ROBO2: variants seen among roughly 807,000 people sequenced by gnomAD.
The protein encoded by ROBO2 is roundabout homolog 2.
ROBO2 carries 53 observed loss-of-function variants against 160.8 expected under a neutral mutation model. The ratio of observed to expected loss-of-function variants is 0.33; its 90% CI spans 0.26 to 0.41. ROBO2 has a LOEUF of 0.41. Ranked by LOEUF, ROBO2 falls within the 10% of genes least tolerant of loss-of-function variation. The pLI is 1.00. For synonymous variants in ROBO2, 664 were observed against 611.7 expected (o/e 1.09, Z -1.26); for missense variants, 1,577 against 1,722.4 (o/e 0.92, Z 1.49).
chr3:76,873,144 A>G (rs2148691954), intron 2 of ROBO2, among the ~76,000 whole-genome samples: 1 of 152,320 alleles, frequency 6.6e-6, no homozygotes, highest in African/African-American at 2.4e-5. Flanking sequence ...AGTGCACATT[A>G]AACATTACAA....
intron 21 of ROBO2, among the ~76,000 whole-genome samples, chr3:77,613,096 C>T (rs1280414444): frequency 6.6e-6 from 1 of 152,064 alleles, no homozygotes; most frequent in African/African-American, 2.4e-5. Context: ...TGGTTAGGCT[C>T]TCCTTGGCCT....
rs537331715 is a variant in ROBO2 at position 76,931,568 on chromosome 3, C to T, written c.110-166446C>T. On this transcript the variant is annotated intron_variant, in intron 2 of 26. Transcript: ENST00000487694. ...TTTATAAGACACATACACACACACA[C>T]ACACACACGTATATATGAGCATTTA... Among the ~76,000 whole-genome samples, 10 of 152,136 alleles carry T rather than the reference C, an allele frequency of 6.6e-5. No homozygotes were observed. In the East Asian group the frequency reaches 1.7e-3, roughly 26 times the overall value.
At chr3:76,903,494 T>C (rs2075374485) in intron 2 of ROBO2, among the ~76,000 whole-genome samples, 1 of 152,046 alleles carries the variant, frequency 6.6e-6, no homozygotes, top group Non-Finnish European at 1.5e-5. Flanking sequence ...TCAGGTATGG[T>C]TTTTGGAGTA....
At chr3:76,775,176 G>C (rs2062163660) in intron 2 of ROBO2, among the ~76,000 whole-genome samples, 1 of 150,588 alleles carries the variant, frequency 6.6e-6, no homozygotes, top group South Asian at 2.1e-4. Flanking sequence ...TACATATGTA[G>C]TCCTAATGGA....
chr3:77,013,833 A>C (rs2062061077), intron 2 of ROBO2, among the ~76,000 whole-genome samples: 1 of 152,230 alleles, frequency 6.6e-6, no homozygotes. Flanking sequence ...CTATCAGTTA[A>C]CGTGCATTTA....
Position 77,555,192 on chromosome 3 carries a change from C to A in ROBO2, c.1232-2752C>A, listed in dbSNP as rs146456193. Among the ~76,000 whole-genome samples the A allele has an allele frequency of 2.1e-3, 326 of 151,924 alleles. 2 individuals carry two copies. Among genetic ancestry groups the A allele is most frequent in the African/African-American group, 7.5e-3 (313 of 41,484 alleles). On this transcript the variant is annotated intron_variant, in intron 8 of 25. Transcript: ENST00000461745. ...ACTTTTTTTTAGACATAGTATTATT[C>A]TACACTTAATAGACTCCAGAATAGT...
chr3:77,645,214 A>G (rs1039794555), intron 25 of ROBO2, among the ~76,000 whole-genome samples: 1 of 152,152 alleles, frequency 6.6e-6, no homozygotes, highest in African/African-American at 2.4e-5. Context: ...TGCCTTTTTA[A>G]CTGAACACAA....
exon 17 of ROBO2, chr3:77,588,751 G>A: frequency 1.2e-6 from 2 of 1,612,726 alleles, no homozygotes; most frequent in Non-Finnish European, 1.7e-6. Flanking sequence ...TTTTCCATAG[G>A]GAGACGCAAT....
At chr3:76,373,024 T>C (rs765032252) in intron 2 of ROBO2, among the ~76,000 whole-genome samples, 14 of 152,010 alleles carry the variant, frequency 9.2e-5, no homozygotes, top group Non-Finnish European at 1.5e-4. Context: ...AGCATCAGCA[T>C]GAGTTCACTT....
At chr3:76,379,889 A>T (rs1001810921) in intron 2 of ROBO2, among the ~76,000 whole-genome samples, 1 of 152,152 alleles carries the variant, frequency 6.6e-6, no homozygotes, top group Admixed American at 6.5e-5. Context: ...ACTATTCCTG[A>T]TTTAAAGACA....
At chr3:76,990,004 T>C (rs1263287042) in intron 2 of ROBO2, among the ~76,000 whole-genome samples, 2 of 152,176 alleles carry the variant, frequency 1.3e-5, no homozygotes, top group Non-Finnish European at 2.9e-5. Flanking sequence ...CCTTGAGATC[T>C]AATAGATCTC....
At chr3:76,463,310 G>A (rs1480316033) in intron 2 of ROBO2, among the ~76,000 whole-genome samples, 7 of 151,840 alleles carry the variant, frequency 4.6e-5, no homozygotes, top group African/African-American at 9.7e-5. Context: ...AAGAGAGGTC[G>A]ATTTCAACCC....
intron 1 of ROBO2, among the ~76,000 whole-genome samples, chr3:77,041,131 G>A (rs1368364174): frequency 2.0e-5 from 3 of 152,304 alleles, no homozygotes; most frequent in East Asian, 3.9e-4. Context: ...AGTTTTGTTA[G>A]AAAAAGAAAT....
At chr3:76,797,965 T>C (rs2063825305) in intron 2 of ROBO2, among the ~76,000 whole-genome samples, 1 of 151,844 alleles carries the variant, frequency 6.6e-6, no homozygotes, top group African/African-American at 2.4e-5. Flanking sequence ...GAGGACTCTG[T>C]GGTTTAAATG....
intron 2 of ROBO2, among the ~76,000 whole-genome samples, chr3:77,180,487 G>C (rs929360857): frequency 7.1e-6 from 1 of 140,794 alleles, no homozygotes; most frequent in Non-Finnish European, 1.5e-5. Flanking sequence ...CCTGGCTAGA[G>C]TGCAGTGGGA....
chr3:77,227,485 G>T (rs2086632543), intron 2 of ROBO2, among the ~76,000 whole-genome samples: 1 of 152,158 alleles, frequency 6.6e-6, no homozygotes, highest in African/African-American at 2.4e-5. Context: ...AAATAGGATT[G>T]TGATAAAATA....
intron 2 of ROBO2, among the ~76,000 whole-genome samples, chr3:77,472,273 A>C (rs2083435294): frequency 6.6e-6 from 1 of 152,176 alleles, no homozygotes; most frequent in Admixed American, 6.5e-5. Flanking sequence ...AAATAACAGA[A>C]GGGAGTGACC....
intron 2 of ROBO2, among the ~76,000 whole-genome samples, chr3:76,581,244 T>C (rs575891299): frequency 6.6e-6 from 1 of 152,232 alleles, no homozygotes; most frequent in South Asian, 2.1e-4. Flanking sequence ...AAAAAGCTTG[T>C]GATAGGTAGA....
chr3:75,924,368 G>A (rs561703333), intron 1 of ROBO2, among the ~76,000 whole-genome samples: 44 of 152,260 alleles, frequency 2.9e-4, no homozygotes, highest in African/African-American at 9.9e-4. Flanking sequence ...CTGAAGTGAT[G>A]TGCTGTGTGG....
Sources: gnomAD v4.1 joint callset for allele counts (sites outside exome capture counted in the v4.1 genomes callset) on GRCh38, gnomAD v4.1.1 for gene constraint, MANE v1.5 for transcripts, NCBI Gene and HGNC (gene_info 2026-07-23, HGNC 2026-07-21) for gene names.